The following SLC25A13 variants were observed in gnomAD, a reference collection of about 807,000 sequenced individuals.
SLC25A13 encodes solute carrier family 25 member 13, also known as electrogenic aspartate/glutamate antiporter SLC25A13, mitochondrial.
SLC25A13 carries 70 observed loss-of-function variants against 85.5 expected under a neutral mutation model. The ratio of observed to expected loss-of-function variants is 0.82; its 90% confidence interval spans 0.68 to 1.00. The LOEUF (loss-of-function observed/expected upper bound fraction) is 1.00. Among genes scored for constraint, SLC25A13 ranks in the 50% least tolerant of loss-of-function variants. The probability of loss-of-function intolerance (pLI) is 0.00; values close to 1 mark genes in which losing one functional copy is unlikely to be tolerated. For missense variants in SLC25A13, 765 were observed against 819.8 expected (o/e 0.93, Z 0.82); for synonymous variants, 259 against 288.7 (o/e 0.90, Z 1.04).
intron 4 of SLC25A13, among the ~76,000 whole-genome samples, chr7:96,227,416 C>A (rs1387508513): frequency 6.6e-6 from 1 of 152,078 alleles, no homozygotes; most frequent in Non-Finnish European, 1.5e-5. Flanking sequence ...GAAATCCCAG[C>A]AGGATGTTTG....
At chr7:96,305,974 C>T (rs1203733094) in intron 1 of SLC25A13, among the ~76,000 whole-genome samples, 1 of 152,224 alleles carries the variant, frequency 6.6e-6, no homozygotes, top group Admixed American at 6.5e-5. Flanking sequence ...TGAGTGAGCC[C>T]TCCTGGGCCC....
intron 5 of SLC25A13, among the ~76,000 whole-genome samples, chr7:96,198,162 T>C (rs997583260): frequency 1.3e-5 from 2 of 152,170 alleles, no homozygotes; most frequent in Admixed American, 6.6e-5. Flanking sequence ...ACAGAAGTCA[T>C]GACACTGCCA....
intron 13 of SLC25A13, among the ~76,000 whole-genome samples, chr7:96,159,112 G>C (rs573064603): frequency 1.3e-5 from 2 of 152,194 alleles, no homozygotes; most frequent in Non-Finnish European, 2.9e-5. Flanking sequence ...GCAAAGATGA[G>C]GTGGCATGAG....
Position 96,184,408 on chromosome 7 carries a change from A to T in SLC25A13, c.1046T>A (p.Ile349Asn). The T allele has an allele frequency of 2.5e-6, 4 of 1,614,186 alleles. No individual in the cohort carries two copies. Among genetic ancestry groups the T allele is most frequent in the Non-Finnish European group, 3.4e-6 (4 of 1,180,028 alleles). The change falls in exon 11 of 18, where the codon ATC becomes AAC. Residue 349 changes from isoleucine to asparagine, a missense_variant. Physicochemically the swap from Ile to Asn is moderately radical, Grantham distance 149. Transcript: ENST00000265631. The stretch of plus-strand genomic sequence containing the variant: ...CTGCATTCGAGTTTTTACAAGATCG[A>T]TAGGATACACAGCAGTGGCTCCAAC... ...GAVGATAVYPIDLVKTRMQNQ... is the reference protein window; with the variant it reads ...GAVGATAVYPNDLVKTRMQNQ...
intron 4 of SLC25A13, among the ~76,000 whole-genome samples, chr7:96,233,236 T>G (rs73710235): frequency 0.021 from 3,132 of 152,326 alleles, 106 homozygotes; most frequent in African/African-American, 0.072. Flanking sequence ...GGCTTTCCTC[T>G]GTTCATCCCC....
intron 1 of SLC25A13, among the ~76,000 whole-genome samples, chr7:96,302,013 T>C (rs1799564744): frequency 6.6e-6 from 1 of 152,150 alleles, no homozygotes; most frequent in African/African-American, 2.4e-5. Context: ...TTAAATTTAG[T>C]ATGGAAATTT....
At chr7:96,194,697 A>G (rs1241681983) in intron 5 of SLC25A13, among the ~76,000 whole-genome samples, 1 of 152,174 alleles carries the variant, frequency 6.6e-6, no homozygotes, top group Non-Finnish European at 1.5e-5. Flanking sequence ...TTCCCCAGAA[A>G]GGCAGGGAGA....
At chr7:96,253,534 A>G (rs993508356) in intron 3 of SLC25A13, among the ~76,000 whole-genome samples, 10 of 152,280 alleles carry the variant, frequency 6.6e-5, no homozygotes, top group African/African-American at 2.2e-4. Flanking sequence ...TGTTTTTTTG[A>G]CTGCTATCAG....
rs909061419 is a variant in SLC25A13 at position 96,246,356 on chromosome 7, C to G, written c.213-11439G>C. On this transcript the variant is annotated intron_variant, in intron 3 of 17. Transcript: ENST00000265631. ...AATACCAAAAATTGATTGAGCTAAA[C>G]GATTTTTTAATTGGAACACAATGCC... 1.6e-4 allele frequency among the ~76,000 whole-genome samples: 25 copies of G among 152,136 alleles called. 1 individual carries two copies. The highest frequency in any genetic ancestry group is 2.9e-5 in the Non-Finnish European group (2 of 68,008).
chr7:96,171,955 A>T (rs1395487281), intron 11 of SLC25A13, among the ~76,000 whole-genome samples: 1 of 152,228 alleles, frequency 6.6e-6, no homozygotes. Flanking sequence ...TAAAGAAAAA[A>T]AAATTAAATC....
chr7:96,248,837 A>G (rs1211129626), intron 3 of SLC25A13, among the ~76,000 whole-genome samples: 1 of 152,234 alleles, frequency 6.6e-6, no homozygotes, highest in Non-Finnish European at 1.5e-5. Flanking sequence ...TGCTATCAGG[A>G]GAAATTAAAT....
chr7:96,306,925 C>G (rs1193773905), intron 1 of SLC25A13: 1 of 962,214 alleles, frequency 1.0e-6, no homozygotes, highest in East Asian at 2.4e-5. Flanking sequence ...GTGCCTGGAG[C>G]CAGTCCCACC....
At chr7:96,285,348 G>C (rs1409039038) in intron 2 of SLC25A13, among the ~76,000 whole-genome samples, 3 of 152,206 alleles carry the variant, frequency 2.0e-5, no homozygotes, top group African/African-American at 7.2e-5. Flanking sequence ...CTGTTTAGTG[G>C]AATTCCAAAC....
chr7:96,231,679 G>A (rs1454842069), intron 4 of SLC25A13, among the ~76,000 whole-genome samples: 1 of 151,680 alleles, frequency 6.6e-6, no homozygotes, highest in Non-Finnish European at 1.5e-5. Context: ...AGCCGAGATT[G>A]TGCCACTGCA....
intron 14 of SLC25A13, among the ~76,000 whole-genome samples, chr7:96,142,305 G>A (rs1396100088): frequency 1.3e-5 from 2 of 152,064 alleles, no homozygotes; most frequent in Non-Finnish European, 2.9e-5. Flanking sequence ...TGGTGTCTTT[G>A]TGCTCATGTG....
rs542707270 is a variant in SLC25A13 at position 96,220,132 on chromosome 7, C to T, written c.329-11155G>A. On this transcript the variant is annotated intron_variant, in intron 4 of 17. Coordinates refer to ENST00000265631, the MANE Select transcript of SLC25A13 (RefSeq NM_014251.3). Reference sequence around the variant, plus strand: ...TAATTATTGTTAACTTTCATTACCACTAGAGAATACAACTAATGTTTTAAA... The same window carrying T: ...TAATTATTGTTAACTTTCATTACCATTAGAGAATACAACTAATGTTTTAAA... Among the ~76,000 whole-genome samples, 45 of 152,274 alleles carry T rather than the reference C, an allele frequency of 3.0e-4. 2 individuals carry two copies. In the South Asian group the frequency reaches 9.1e-3, roughly 31 times the overall value.
At chr7:96,248,471 T>A (rs1000444713) in intron 3 of SLC25A13, among the ~76,000 whole-genome samples, 7 of 152,158 alleles carry the variant, frequency 4.6e-5, no homozygotes, top group African/African-American at 1.7e-4. Context: ...AGATTCCAGA[T>A]ACTACTACGA....
At chr7:96,185,922 A>C (rs1794625754) in intron 9 of SLC25A13, among the ~76,000 whole-genome samples, 1 of 151,942 alleles carries the variant, frequency 6.6e-6, no homozygotes, top group African/African-American at 2.4e-5. Context: ...AAATAAAGTA[A>C]ATAAAGCAAA....
intron 5 of SLC25A13, among the ~76,000 whole-genome samples, chr7:96,202,895 T>A (rs887476069): frequency 3.3e-5 from 5 of 152,138 alleles, no homozygotes; most frequent in African/African-American, 1.2e-4. Flanking sequence ...GTTCTGCAAA[T>A]CTATGACTGT....
Sources: gnomAD v4.1 joint callset for allele counts (sites outside exome capture counted in the v4.1 genomes callset) on GRCh38, gnomAD v4.1.1 for gene constraint, MANE v1.5 for transcripts, NCBI Gene and HGNC (gene_info 2026-07-23, HGNC 2026-07-21) for gene names.